SAFB2: variants seen among roughly 807,000 people sequenced by gnomAD.
The protein encoded by SAFB2 is scaffold attachment factor B2.
A neutral mutation model predicts 100.6 loss-of-function variants in SAFB2; 32 were observed. The ratio of observed to expected loss-of-function variants is 0.32; its 90% CI spans 0.24 to 0.43. The LOEUF is 0.43. Among genes scored for constraint, SAFB2 ranks in the 20% least tolerant of loss-of-function variants. The pLI, the probability that SAFB2 is intolerant of heterozygous loss-of-function variation, is 1.00. For synonymous variants in SAFB2, 500 were observed against 439.4 expected (o/e 1.14, Z -1.72); for missense variants, 1,185 against 1,163.4 (o/e 1.02, Z -0.27).
At chr19:5,613,384 A>G in intron 5 of SAFB2, 81 bp downstream of exon 5, 1 of 1,205,118 alleles carries the variant, frequency 8.3e-7, no homozygotes, top group South Asian at 1.3e-5. Flanking sequence ...ATTTCCATAC[A>G]CATACACACT....
chr19:5,596,609 C>G (rs1416591861), intron 13 of SAFB2, among the ~76,000 whole-genome samples: 3 of 152,190 alleles, frequency 2.0e-5, no homozygotes, highest in Non-Finnish European at 4.4e-5. Context: ...TCCCAAAGTG[C>G]CGGGATTACA....
At position 5,587,604 on chromosome 19, in the gene SAFB2, T is replaced by A; in HGVS notation, c.2705+97A>T. On this transcript the variant is annotated intron_variant, in intron 20 of 20. Transcript: ENST00000252542. This position sits in a 1 kb window ranked among gnomAD's most constrained non-coding sequence, Gnocchi z 4.9. Reference sequence around the variant, plus strand: ...AGAGCTGCTTTTTGCTTTGTTTTCATAACATCCAACCCAGCCAGCTGATCA... The same window carrying A: ...AGAGCTGCTTTTTGCTTTGTTTTCAAAACATCCAACCCAGCCAGCTGATCA... 2.1e-6 allele frequency: 3 copies of A among 1,462,884 alleles called. No homozygotes were observed. In the South Asian group the frequency reaches 4.2e-5, roughly 20 times the overall value. 90.6% of individuals were successfully genotyped at this position (1,462,884 alleles called of 1,614,324 possible). A position where few individuals can be genotyped will look rare whatever the true frequency, so the allele number is the denominator to read the frequency against.
chr19:5,602,954 C>T (rs1457179501), intron 11 of SAFB2, among the ~76,000 whole-genome samples: 1 of 144,636 alleles, frequency 6.9e-6, no homozygotes, highest in Non-Finnish European at 1.5e-5. Flanking sequence ...TCATCTGACA[C>T]TCATTACTCA....
intron 13 of SAFB2, among the ~76,000 whole-genome samples, chr19:5,597,752 C>G (rs559225794): frequency 1.3e-5 from 2 of 152,258 alleles, no homozygotes; most frequent in African/African-American, 2.4e-5. Context: ...ATGTTCTACT[C>G]TACATTTCTC....
chr19:5,595,528 G>C (rs965143346), intron 13 of SAFB2, 31 bp from the exon 14 acceptor site: 3 of 1,609,262 alleles, frequency 1.9e-6, no homozygotes, highest in Non-Finnish European at 2.5e-6. Context: ...ATTAATGTCA[G>C]GAAAATGATT....
chr19:5,610,829 T>C (rs1485292186), intron 7 of SAFB2, 141 bp from the exon 8 acceptor site: 5 of 750,982 alleles, frequency 6.7e-6, no homozygotes, highest in Non-Finnish European at 8.5e-6. Context: ...TGCAAGCTTA[T>C]ATTGGAAAAT....
intron 7 of SAFB2, 65 bp from the exon 8 acceptor site, chr19:5,610,753 G>T: frequency 5.2e-6 from 6 of 1,159,024 alleles, no homozygotes; most frequent in Non-Finnish European, 7.5e-6. Context: ...CTAAAAATAT[G>T]ATTATGTGCT....
chr19:5,598,636 A>ATG (rs2052584792), intron 13 of SAFB2, 157 bp downstream of exon 13: 2 of 652,764 alleles, frequency 3.1e-6, no homozygotes, highest in South Asian at 3.5e-5. Flanking sequence ...ACCAGGATTC[A>ATG]TGTGTGTGTC....
chr19:5,622,712 C>G lies in SAFB2; in HGVS notation c.4G>C (p.Ala2Pro). ...TCGCCCGACCCGGGCAGAGTCTCCG[C>G]CATCGTCGCGTTCCCGTCTTCGCCA... Reference protein sequence around the residue: MAETLPGSGDSG... With the variant: MPETLPGSGDSG... Residue 2 changes from alanine (A) to proline (P), a missense_variant, in exon 1 of 21, where the codon GCG becomes CCG. Coordinates refer to ENST00000252542, the MANE Select transcript of SAFB2 (RefSeq NM_014649.3). The G allele has an allele frequency of 6.2e-7, 1 of 1,600,458 alleles. No individual in the cohort carries two copies. The highest frequency in any genetic ancestry group is 1.1e-5 in the South Asian group (1 of 90,318).
At chr19:5,594,552 GC>G (rs11351155) in intron 14 of SAFB2, among the ~76,000 whole-genome samples, 2,178 of 152,290 alleles carry the variant, frequency 0.014, 32 homozygotes, top group Admixed American at 0.02. Context: ...CCAGAAGGGA[GC>G]CGCGGCAAAA....
At chr19:5,588,646 G>A (rs1177047982) in intron 18 of SAFB2, among the ~76,000 whole-genome samples, 1 of 152,110 alleles carries the variant, frequency 6.6e-6, no homozygotes, top group Non-Finnish European at 1.5e-5. Flanking sequence ...CAGGCACACC[G>A]CGCAGGCCAA....
intron 2 of SAFB2, among the ~76,000 whole-genome samples, chr19:5,618,169 CA>C (rs1389465738): frequency 6.6e-6 from 1 of 151,998 alleles, no homozygotes; most frequent in Non-Finnish European, 1.5e-5. Context: ...AAAAATCAAA[CA>C]GAAAAAAATA....
intron 18 of SAFB2, among the ~76,000 whole-genome samples, chr19:5,588,570 G>A (rs1182785560): frequency 2.0e-5 from 3 of 152,146 alleles, no homozygotes; most frequent in Admixed American, 6.5e-5. Context: ...GGAAGGAAGC[G>A]CTGGCCCAGG....
chr19:5,604,137 G>A (rs1024005565), intron 11 of SAFB2, among the ~76,000 whole-genome samples: 13 of 152,212 alleles, frequency 8.5e-5, no homozygotes, highest in African/African-American at 2.4e-4. Context: ...CTGGCAGGGC[G>A]TGGTGGCTCA....
At chr19:5,598,986 G>A (rs553267924) in intron 12 of SAFB2, 102 bp from the exon 13 acceptor site, 41 of 963,910 alleles carry the variant, frequency 4.3e-5, no homozygotes, top group Middle Eastern at 2.9e-4. Flanking sequence ...CACACAAGGC[G>A]TGAGTCAAGT....
chr19:5,612,968 T>C (rs960744372), intron 5 of SAFB2, among the ~76,000 whole-genome samples: 2 of 152,242 alleles, frequency 1.3e-5, no homozygotes, highest in African/African-American at 4.8e-5. Flanking sequence ...CATAACAAAA[T>C]GATCTCTCTA....
At chr19:5,603,022 T>A (rs2052698376) in intron 11 of SAFB2, among the ~76,000 whole-genome samples, 1 of 148,522 alleles carries the variant, frequency 6.7e-6, no homozygotes, top group South Asian at 2.2e-4. Flanking sequence ...ATAATCCCAG[T>A]CTTTTGTGGG....
rs540410540 is a variant in SAFB2 at position 5,616,797 on chromosome 19, G to A, written c.275-311C>T. 9.2e-5 allele frequency among the ~76,000 whole-genome samples: 14 copies of A among 151,878 alleles called. No individual in the cohort carries two copies. The East Asian group carries it at 1.2e-3, about 13-fold the overall frequency. On this transcript the variant is annotated intron_variant, in intron 2 of 20. Coordinates refer to ENST00000252542, the MANE Select transcript of SAFB2 (RefSeq NM_014649.3). ...CTCCTCAGCAGCTGGGACTACAGGCGTGCATCACCATGCCCAGCTTATTTT... is the reference window on the plus strand; with the variant it reads ...CTCCTCAGCAGCTGGGACTACAGGCATGCATCACCATGCCCAGCTTATTTT...
At position 5,593,170 on chromosome 19, in the gene SAFB2, C is replaced by T. The variant is rs2052452073; in HGVS notation, c.2208-283G>A. ...GTGAGGCTGTTATTACCTTGATCCC[C>T]CCTCATGAGCAACTGAAAAGAAATA... On this transcript the variant is annotated intron_variant, in intron 15 of 20. Transcript: ENST00000252542. 2.0e-5 allele frequency among the ~76,000 whole-genome samples: 3 copies of T among 152,220 alleles called. No individual in the cohort carries two copies. The South Asian group carries it at 6.2e-4, about 31-fold the overall frequency.
Sources: gnomAD v4.1 joint callset for allele counts (sites outside exome capture counted in the v4.1 genomes callset) on GRCh38, gnomAD v4.1.1 for gene constraint, Gnocchi (gnomAD v3.1) non-coding constraint, MANE v1.5 for transcripts, NCBI Gene and HGNC (gene_info 2026-07-23, HGNC 2026-07-21) for gene names.